Variants in INPP4B observed in about 807,000 individuals in gnomAD.
INPP4B encodes inositol polyphosphate 4-phosphatase type II.
INPP4B carries 55 observed loss-of-function variants against 122.5 expected under a neutral mutation model. The ratio of observed to expected loss-of-function variants is 0.45; its 90% CI spans 0.36 to 0.56. The LOEUF (loss-of-function observed/expected upper bound fraction) is 0.56, where lower values mean the gene tolerates loss of function less well. Ranked by LOEUF, INPP4B falls within the 20% of genes least tolerant of loss-of-function variation. The pLI is 0.00. For missense variants in INPP4B, 1,000 were observed against 1,097.7 expected (o/e 0.91, Z 1.26); for synonymous variants, 403 against 388.7 (o/e 1.04, Z -0.43).
chr4:142,540,180 T>C (rs776823031), intron 2 of INPP4B, among the ~76,000 whole-genome samples: 2 of 152,116 alleles, frequency 1.3e-5, no homozygotes, highest in African/African-American at 2.4e-5. Context: ...TACTTTATCA[T>C]ATCACCCTGA....
chr4:142,459,464 T>C (rs1816262425), intron 3 of INPP4B, among the ~76,000 whole-genome samples: 1 of 151,496 alleles, frequency 6.6e-6, no homozygotes, highest in African/African-American at 2.4e-5. Context: ...GGAAGAAGAA[T>C]GGGAAAGAAA....
chr4:142,512,109 C>T (rs551736038), intron 2 of INPP4B, among the ~76,000 whole-genome samples: 2 of 152,182 alleles, frequency 1.3e-5, no homozygotes, highest in African/African-American at 4.8e-5. Context: ...CTTAGTTACT[C>T]AAAAGCAGGA....
chr4:142,446,149 T>C (rs1397818995), intron 3 of INPP4B, among the ~76,000 whole-genome samples: 3 of 151,854 alleles, frequency 2.0e-5, no homozygotes, highest in African/African-American at 7.2e-5. Context: ...AAAAAATGTG[T>C]CATAAACATA....
At chr4:142,332,811 T>G (rs1359007583) in intron 7 of INPP4B, among the ~76,000 whole-genome samples, 1 of 147,286 alleles carries the variant, frequency 6.8e-6, no homozygotes, top group African/African-American at 2.5e-5. Context: ...GAGACCAACC[T>G]GGCTAACAAG....
intron 2 of INPP4B, among the ~76,000 whole-genome samples, chr4:142,578,030 G>A (rs1347869930): frequency 1.3e-5 from 2 of 151,926 alleles, no homozygotes; most frequent in African/African-American, 2.4e-5. Context: ...AAAGTCACAG[G>A]TTCTACTCAC....
At position 142,431,235 on chromosome 4, in the gene INPP4B, A is replaced by G; in HGVS notation, c.25T>C (p.Ser9Pro). MEIKEEGA[S>P]EEGQHFLPTA... ...GGAAGAAAGTGCTGCCCTTCTTCTG[A>G]TGCCCCTTCCTCTTTAATTTCCATG... is the stretch of plus-strand genomic sequence containing the variant. The change falls in exon 4 of 26, where the codon TCA becomes CCA. Residue 9 changes from serine (S) to proline (P), a missense_variant. By Grantham distance (74) the Ser-to-Pro change is moderately conservative. Coordinates refer to ENST00000262992, the MANE Select transcript of INPP4B (RefSeq NM_001101669.3). 1 of 1,613,248 alleles carries G rather than the reference A, an allele frequency of 6.2e-7. No homozygotes were observed. The highest frequency in any genetic ancestry group is 8.5e-7 in the Non-Finnish European group (1 of 1,179,360).
In INPP4B at chr4:142,719,587, G is replaced by C. The variant is rs1764244625; in HGVS notation, c.-191+6252C>G. On this transcript the variant is annotated intron_variant, in intron 2 of 25. Transcript: ENST00000262992. Reference sequence around the variant, plus strand: ...GATCTGCACGCCTCGGCCTCCCAAAGTGCTGGGATTACAGGCATGACCCAT... The same window carrying C: ...GATCTGCACGCCTCGGCCTCCCAAACTGCTGGGATTACAGGCATGACCCAT... Among the ~76,000 whole-genome samples the C allele has an allele frequency of 2.6e-5, 4 of 151,706 alleles. No homozygotes were observed. The South Asian group carries it at 8.3e-4, about 32-fold the overall frequency.
rs1410895342 is a variant in INPP4B at position 142,621,337 on chromosome 4, A to G, written c.-191+104502T>C. On this transcript the variant is annotated intron_variant, in intron 2 of 25. Transcript: ENST00000262992. ...GATCTACTAAAAGATTTAGAAAATT[A>G]TATCTGTTTAGGCCAGTCCTAAATA... is the stretch of plus-strand genomic sequence containing the variant. Among the ~76,000 whole-genome samples the G allele has an allele frequency of 2.6e-5, 4 of 152,048 alleles. No individual in the cohort carries two copies. In the East Asian group the frequency reaches 5.8e-4, roughly 22 times the overall value.
chr4:142,233,586 T>C (rs1187437761), intron 12 of INPP4B, among the ~76,000 whole-genome samples: 1 of 152,120 alleles, frequency 6.6e-6, no homozygotes, highest in Non-Finnish European at 1.5e-5. Flanking sequence ...TAAGAGTCTA[T>C]CTGAATTGTG....
intron 25 of INPP4B, among the ~76,000 whole-genome samples, chr4:142,069,964 A>G (rs1309501774): frequency 6.6e-6 from 1 of 151,850 alleles, no homozygotes; most frequent in Non-Finnish European, 1.5e-5. Flanking sequence ...AAAAGAGGGA[A>G]TCCTCCTCCC....
At chr4:142,836,417 A>AGT (rs1179553483) in intron 1 of INPP4B, among the ~76,000 whole-genome samples, 2 of 151,708 alleles carry the variant, frequency 1.3e-5, no homozygotes, top group African/African-American at 2.4e-5. Context: ...AGAGTGTGTG[A>AGT]GTGTGTGTGT....
chr4:142,544,119 G>GTT (rs1829255724), intron 2 of INPP4B, among the ~76,000 whole-genome samples: 3 of 5,040 alleles, frequency 6.0e-4, no homozygotes, highest in East Asian at 0.014. Flanking sequence ...AATACTGCAT[G>GTT]GTGTGTGTGT....
intron 25 of INPP4B, among the ~76,000 whole-genome samples, chr4:142,043,714 G>A (rs1175926081): frequency 1.3e-5 from 2 of 152,166 alleles, no homozygotes; most frequent in Non-Finnish European, 2.9e-5. Context: ...AACATTTGCT[G>A]TAAGAAATTC....
At chr4:142,565,539 T>G (rs1348519342) in intron 2 of INPP4B, among the ~76,000 whole-genome samples, 1 of 152,136 alleles carries the variant, frequency 6.6e-6, no homozygotes, top group African/African-American at 2.4e-5. Context: ...AAACTACAAC[T>G]TGTTTCTAAG....
chr4:142,249,729 A>G (rs1731009735), intron 11 of INPP4B, among the ~76,000 whole-genome samples: 1 of 152,160 alleles, frequency 6.6e-6, no homozygotes, highest in African/African-American at 2.4e-5. Flanking sequence ...CTTTAAAATC[A>G]TTTCTTCTGT....
intron 21 of INPP4B, among the ~76,000 whole-genome samples, chr4:142,120,122 C>G (rs2152742632): frequency 6.6e-6 from 1 of 151,992 alleles, no homozygotes; most frequent in African/African-American, 2.4e-5. Flanking sequence ...ATTGAATTAC[C>G]TTGGCAGCTT....
intron 1 of INPP4B, among the ~76,000 whole-genome samples, chr4:142,832,047 A>G (rs1561120042): frequency 6.6e-6 from 1 of 152,216 alleles, no homozygotes; most frequent in Non-Finnish European, 1.5e-5. Context: ...AGGGAAAAAC[A>G]ATCCAGCATG....
chr4:142,479,303 C>CA (rs1417575183), intron 2 of INPP4B, among the ~76,000 whole-genome samples: 2 of 151,916 alleles, frequency 1.3e-5, no homozygotes, highest in South Asian at 2.1e-4. Flanking sequence ...ATTAAAATGT[C>CA]AAAAAAATAA....
chr4:142,663,226 A>G (rs948774685), intron 2 of INPP4B, among the ~76,000 whole-genome samples: 5 of 152,176 alleles, frequency 3.3e-5, no homozygotes, highest in African/African-American at 4.8e-5. Context: ...TTTAATATCT[A>G]TTTTGTTTAT....
Sources: gnomAD v4.1 joint callset for allele counts (sites outside exome capture counted in the v4.1 genomes callset) on GRCh38, gnomAD v4.1.1 for gene constraint, MANE v1.5 for transcripts, NCBI Gene and HGNC (gene_info 2026-07-23, HGNC 2026-07-21) for gene names.